Variants in B3GALT1 observed in about 807,000 individuals in gnomAD.
B3GALT1 encodes UDP-Gal:betaGlcNAc beta 1,3-galactosyltransferase, polypeptide 1.
A neutral mutation model predicts 23.2 loss-of-function variants in B3GALT1; 10 were observed. That is an observed-to-expected ratio of 0.43 (90% confidence interval 0.27 to 0.73). The LOEUF (loss-of-function observed/expected upper bound fraction) is 0.73. Among genes scored for constraint, B3GALT1 ranks in the 30% least tolerant of loss-of-function variants. The probability of loss-of-function intolerance (pLI) is 0.21; values close to 1 mark genes in which losing one functional copy is unlikely to be tolerated. For synonymous variants in B3GALT1, 156 were observed against 141.5 expected (o/e 1.10, Z -0.73); for missense variants, 299 against 405.4 (o/e 0.74, Z 2.25).
At chr2:167,790,703 T>A (rs1028189801) in intron 3 of B3GALT1, among the ~76,000 whole-genome samples, 2 of 152,330 alleles carry the variant, frequency 1.3e-5, no homozygotes, top group South Asian at 4.1e-4. Flanking sequence ...CTTTTCCTCC[T>A]TTATCTAATT....
intron 1 of B3GALT1, among the ~76,000 whole-genome samples, chr2:167,344,500 T>C (rs373015302): frequency 6.6e-6 from 1 of 152,086 alleles, no homozygotes; most frequent in South Asian, 2.1e-4. Context: ...CAATGACAAT[T>C]TGTGTAACTC....
chr2:167,778,700 T>C (rs907266615), intron 3 of B3GALT1, among the ~76,000 whole-genome samples: 2 of 152,240 alleles, frequency 1.3e-5, no homozygotes, highest in Non-Finnish European at 2.9e-5. Context: ...AACAGAATCT[T>C]ATGTTTTCTT....
rs532124987 is a variant in B3GALT1 at position 167,790,036 on chromosome 2, A to AGTTTT, written c.-351-28616_-351-28612dup. Among the ~76,000 whole-genome samples, 646 of 152,188 alleles carry AGTTTT rather than the reference A, an allele frequency of 4.2e-3. 2 individuals are homozygous for AGTTTT. Among genetic ancestry groups the AGTTTT allele is most frequent in the African/African-American group, 0.014 (594 of 41,518 alleles). On this transcript the variant is annotated intron_variant, in intron 3 of 4. Coordinates refer to ENST00000392690, the MANE Select transcript of B3GALT1 (RefSeq NM_020981.4). ...ACTAAAGACAATTACAAGAGACAGGAGTTTTGTTTTGTTTTGTTTTGTTTA... is the reference window on the plus strand; with the variant it reads ...ACTAAAGACAATTACAAGAGACAGGAGTTTTGTTTTGTTTTGTTTTGTTTTGTTTA...
At chr2:167,496,347 T>G (rs1699782855) in intron 2 of B3GALT1, among the ~76,000 whole-genome samples, 1 of 152,058 alleles carries the variant, frequency 6.6e-6, no homozygotes, top group African/African-American at 2.4e-5. Flanking sequence ...CTGAGAAGGT[T>G]AATGAGAAGA....
At chr2:167,339,496 G>A (rs1453728267) in intron 1 of B3GALT1, among the ~76,000 whole-genome samples, 6 of 152,100 alleles carry the variant, frequency 3.9e-5, no homozygotes, top group African/African-American at 1.4e-4. Context: ...ATAATTTGGA[G>A]TGAGAGACTT....
intron 1 of B3GALT1, among the ~76,000 whole-genome samples, chr2:167,486,742 T>C (rs528300436): frequency 3.9e-5 from 6 of 152,070 alleles, no homozygotes; most frequent in Admixed American, 2.0e-4. Context: ...GTACCATATT[T>C]ATGAGAAAGT....
At chr2:167,692,113 A>T (rs762088452) in intron 3 of B3GALT1, among the ~76,000 whole-genome samples, 1 of 152,092 alleles carries the variant, frequency 6.6e-6, no homozygotes, top group Non-Finnish European at 1.5e-5. Flanking sequence ...CTGTTGTAAG[A>T]TGTGTATGTT....
At chr2:167,577,100 T>G (rs1684400866) in intron 2 of B3GALT1, among the ~76,000 whole-genome samples, 1 of 151,774 alleles carries the variant, frequency 6.6e-6, no homozygotes, top group Non-Finnish European at 1.5e-5. Context: ...AGGCAACCTT[T>G]TGGTCATATT....
At position 167,375,748 on chromosome 2, in the gene B3GALT1, T is replaced by C. The variant is rs536660886; in HGVS notation, c.-511+82414T>C. ...TTCTAATAGCCTTTTGGCAGAGTCC[T>C]TAGGGTTTTCTACATATAGAATCAC... On this transcript the variant is annotated intron_variant, in intron 1 of 4. Coordinates refer to ENST00000392690, the MANE Select transcript of B3GALT1 (RefSeq NM_020981.4). Among the ~76,000 whole-genome samples the C allele has an allele frequency of 9.9e-5, 15 of 152,280 alleles. No homozygotes were observed. In the East Asian group the frequency reaches 2.5e-3, roughly 25 times the overall value.
intron 3 of B3GALT1, among the ~76,000 whole-genome samples, chr2:167,725,570 G>C (rs546855807): frequency 6.6e-6 from 1 of 152,124 alleles, no homozygotes; most frequent in Non-Finnish European, 1.5e-5. Context: ...AGCTAAGAAG[G>C]GCTAAAATAC....
At chr2:167,492,910 A>G (rs572292144) in intron 2 of B3GALT1, among the ~76,000 whole-genome samples, 1 of 148,194 alleles carries the variant, frequency 6.7e-6, no homozygotes, top group East Asian at 2.0e-4. Context: ...TGTACCTAGT[A>G]TTCTCTGTTA....
chr2:167,827,042 C>T (rs1689245561), intron 4 of B3GALT1, among the ~76,000 whole-genome samples: 1 of 152,180 alleles, frequency 6.6e-6, no homozygotes, highest in South Asian at 2.1e-4. Flanking sequence ...ATGTCCTCGA[C>T]ACCAGAACAA....
At chr2:167,443,065 A>G (rs1178023542) in intron 1 of B3GALT1, among the ~76,000 whole-genome samples, 2 of 151,968 alleles carry the variant, frequency 1.3e-5, no homozygotes, top group Non-Finnish European at 2.9e-5. Context: ...GGTGTAAGGA[A>G]GGGATCCAGT....
chr2:167,649,957 A>G (rs1035519343), intron 3 of B3GALT1, among the ~76,000 whole-genome samples: 1 of 152,020 alleles, frequency 6.6e-6, no homozygotes, highest in Admixed American at 6.6e-5. Context: ...ACAATGTTGA[A>G]TAGATGTAAT....
intron 2 of B3GALT1, among the ~76,000 whole-genome samples, chr2:167,519,420 A>G (rs1302141724): frequency 2.6e-5 from 4 of 152,144 alleles, no homozygotes; most frequent in Non-Finnish European, 5.9e-5. Flanking sequence ...ATTAAATTTA[A>G]TTTAATTTTA....
At chr2:167,326,989 C>T (rs554577424) in intron 1 of B3GALT1, among the ~76,000 whole-genome samples, 7 of 152,168 alleles carry the variant, frequency 4.6e-5, no homozygotes, top group East Asian at 1.9e-4. Context: ...GATGCCTGGC[C>T]GCAGTACCAT....
intron 2 of B3GALT1, among the ~76,000 whole-genome samples, chr2:167,494,447 G>A (rs981468528): frequency 3.3e-5 from 5 of 151,890 alleles, no homozygotes; most frequent in African/African-American, 1.2e-4. Flanking sequence ...CATTCCAATG[G>A]AATGTTATTT....
chr2:167,852,039 T>C (rs559705776), intron 4 of B3GALT1, among the ~76,000 whole-genome samples: 2 of 152,376 alleles, frequency 1.3e-5, no homozygotes, highest in African/African-American at 4.8e-5. Flanking sequence ...ATAGCTCTGC[T>C]GATAACTTCT....
At chr2:167,587,660 G>T (rs1684605032) in intron 2 of B3GALT1, among the ~76,000 whole-genome samples, 1 of 152,238 alleles carries the variant, frequency 6.6e-6, no homozygotes, top group South Asian at 2.1e-4. Context: ...TACTTCACAA[G>T]ATATGGCACA....
Sources: gnomAD v4.1 joint callset for allele counts (sites outside exome capture counted in the v4.1 genomes callset) on GRCh38, gnomAD v4.1.1 for gene constraint, MANE v1.5 for transcripts, NCBI Gene and HGNC (gene_info 2026-07-23, HGNC 2026-07-21) for gene names.